The following HTR4 variants were observed in gnomAD, a reference collection of about 807,000 sequenced individuals.
The protein encoded by HTR4 is 5-hydroxytryptamine receptor 4.
Under a neutral mutation model 36.8 loss-of-function variants are expected in HTR4, and 16 were observed. That is an observed-to-expected ratio of 0.43 (90% confidence interval 0.29 to 0.66). HTR4 has a LOEUF of 0.66. Among genes scored for constraint, HTR4 ranks in the 30% least tolerant of loss-of-function variants. The pLI is 0.13. For missense variants in HTR4, 438 were observed against 490.9 expected (o/e 0.89, Z 1.02); for synonymous variants, 189 against 185.1 (o/e 1.02, Z -0.17).
At chr5:148,616,108 A>G (rs1383200752) in intron 2 of HTR4, among the ~76,000 whole-genome samples, 1 of 152,254 alleles carries the variant, frequency 6.6e-6, no homozygotes, top group Non-Finnish European at 1.5e-5. Context: ...GATTCTGGGC[A>G]TCTGCACGAA....
At chr5:148,463,462 G>A (rs995411437) in intron 5 of HTR4, among the ~76,000 whole-genome samples, 4 of 151,954 alleles carry the variant, frequency 2.6e-5, no homozygotes, top group Admixed American at 2.0e-4. Flanking sequence ...TTACAGGCAT[G>A]AGCCACCACA....
intron 5 of HTR4, among the ~76,000 whole-genome samples, chr5:148,456,283 A>C (rs1375197709): frequency 6.6e-6 from 1 of 152,204 alleles, no homozygotes; most frequent in East Asian, 1.9e-4. Context: ...ATCTGGGGTC[A>C]TCTGGTTGGC....
chr5:148,556,315 C>CG (rs201497370), intron 2 of HTR4, among the ~76,000 whole-genome samples: 2,704 of 152,336 alleles, frequency 0.018, 40 homozygotes, highest in South Asian at 0.043. Flanking sequence ...TGAGCCACCA[C>CG]GCCCAGACTT....
intron 6 of HTR4, among the ~76,000 whole-genome samples, chr5:148,488,984 A>T (rs936627403): frequency 6.6e-6 from 1 of 152,096 alleles, no homozygotes; most frequent in Admixed American, 6.6e-5. Flanking sequence ...ATATCCTTTC[A>T]TGACTTTTTT....
chr5:148,639,357 T>C (rs1299209040), intron 1 of HTR4, among the ~76,000 whole-genome samples: 1 of 152,020 alleles, frequency 6.6e-6, no homozygotes, highest in African/African-American at 2.4e-5. Context: ...ACTGTAGCCA[T>C]GCCCCTCCCC....
intron 2 of HTR4, among the ~76,000 whole-genome samples, chr5:148,611,869 G>T (rs1216498145): frequency 1.3e-5 from 2 of 151,714 alleles, no homozygotes; most frequent in Admixed American, 1.3e-4. Context: ...AAAGGCAGGG[G>T]TTGCAATCCT....
intron 2 of HTR4, among the ~76,000 whole-genome samples, chr5:148,636,474 C>G (rs1753541028): frequency 6.6e-6 from 1 of 152,148 alleles, no homozygotes; most frequent in South Asian, 2.1e-4. Flanking sequence ...ACTACTATTT[C>G]ATCTCCAAGG....
At chr5:148,587,931 CTCGTACT>C (rs1237208362) in intron 2 of HTR4, among the ~76,000 whole-genome samples, 1 of 152,170 alleles carries the variant, frequency 6.6e-6, no homozygotes, top group East Asian at 1.9e-4. Context: ...CTCTTGCACC[CTCGTACT>C]TCCTCTCCTG....
intron 5 of HTR4, 90 bp from the exon 6 acceptor site, chr5:148,510,114 G>A (rs56351710): frequency 0.014 from 11,129 of 790,982 alleles, 145 homozygotes; most frequent in Middle Eastern, 0.053. Flanking sequence ...GGAAGAGTGT[G>A]AGAAAAGAAA....
At chr5:148,483,337 T>C in intron 6 of HTR4, 44 bp from the exon 7 acceptor site, 1 of 1,554,332 alleles carries the variant, frequency 6.4e-7, no homozygotes, top group Non-Finnish European at 8.8e-7. Context: ...TTGGAAAGGA[T>C]GTTGCAGATC....
At chr5:148,546,733 C>T (rs1759401526) in intron 4 of HTR4, among the ~76,000 whole-genome samples, 1 of 152,210 alleles carries the variant, frequency 6.6e-6, no homozygotes, top group Non-Finnish European at 1.5e-5. Flanking sequence ...GCCTGGTCTT[C>T]TCCAAATTCC....
chr5:148,509,102 A>G (rs1757366267), intron 6 of HTR4, among the ~76,000 whole-genome samples: 1 of 152,218 alleles, frequency 6.6e-6, no homozygotes. Context: ...CAGGCTCTGT[A>G]CCGTGCACTC....
chr5:148,543,165 G>T (rs1278506301), intron 4 of HTR4, among the ~76,000 whole-genome samples: 2 of 152,080 alleles, frequency 1.3e-5, no homozygotes, highest in Non-Finnish European at 2.9e-5. Flanking sequence ...CCTGGTGGAA[G>T]AACCCAGCCT....
chr5:148,554,954 T>A (rs1356444157), intron 2 of HTR4, among the ~76,000 whole-genome samples: 1 of 152,148 alleles, frequency 6.6e-6, no homozygotes, highest in African/African-American at 2.4e-5. Context: ...TCCAGCTCCA[T>A]CGATGTTGCT....
intron 6 of HTR4, among the ~76,000 whole-genome samples, chr5:148,483,934 ATTATTTATTTATTTATTTATTTATTTAT>A (rs146566008): frequency 6.9e-6 from 1 of 144,714 alleles, no homozygotes; most frequent in Non-Finnish European, 1.5e-5. Context: ...AGTTGATTTT[ATTATTTATTTATTTATTTATTTATTTAT>A]TTATTTATTT....
intron 5 of HTR4, chr5:148,465,919 A>G: frequency 6.2e-7 from 1 of 1,613,540 alleles, no homozygotes; most frequent in South Asian, 1.1e-5. Flanking sequence ...AGACAGGGGA[A>G]CAGCCACTTT....
At chr5:148,527,457 GC>G (rs1758339154) in intron 4 of HTR4, among the ~76,000 whole-genome samples, 1 of 152,074 alleles carries the variant, frequency 6.6e-6, no homozygotes, top group Non-Finnish European at 1.5e-5. Context: ...CAATAATATT[GC>G]CCTACATTCT....
intron 2 of HTR4, among the ~76,000 whole-genome samples, chr5:148,551,130 T>A (rs1007416523): frequency 7.2e-5 from 11 of 152,196 alleles, no homozygotes; most frequent in African/African-American, 2.7e-4. Flanking sequence ...AACTGGTTGT[T>A]ACTGAGCAAG....
chr5:148,456,060 C>T (rs911588511), intron 5 of HTR4, among the ~76,000 whole-genome samples: 1 of 151,988 alleles, frequency 6.6e-6, no homozygotes, highest in Non-Finnish European at 1.5e-5. Flanking sequence ...TTGAGTGGTT[C>T]CTCTCACCAT....
Sources: allele counts gnomAD v4.1 joint callset (sites outside exome capture counted in the v4.1 genomes callset), GRCh38; gene constraint gnomAD v4.1.1; transcripts MANE v1.5; gene names NCBI Gene and HGNC (gene_info 2026-07-23, HGNC 2026-07-21).